The following STOX2 variants were observed in gnomAD, a reference collection of about 807,000 sequenced individuals.
STOX2 encodes the protein storkhead box 2, also known as storkhead-box protein 2.
STOX2 carries 28 observed loss-of-function variants against 60.9 expected under a neutral mutation model. That is an observed-to-expected ratio of 0.46 (90% CI 0.34 to 0.63). STOX2 has a LOEUF of 0.63. Among genes scored for constraint, STOX2 ranks in the 30% least tolerant of loss-of-function variants. STOX2 has a pLI of 0.01. For missense variants in STOX2, 1,024 were observed against 1,187.7 expected (o/e 0.86, Z 2.03); for synonymous variants, 472 against 463.9 (o/e 1.02, Z -0.22).
chr4:183,996,320 A>G (rs1733345242), intron 1 of STOX2, among the ~76,000 whole-genome samples: 1 of 152,236 alleles, frequency 6.6e-6, no homozygotes, highest in Non-Finnish European at 1.5e-5. Flanking sequence ...CAAAGTGCCA[A>G]TGTGCTTTAA....
intron 1 of STOX2, among the ~76,000 whole-genome samples, chr4:183,942,405 A>G (rs1338789608): frequency 6.7e-6 from 1 of 149,482 alleles, no homozygotes; most frequent in Non-Finnish European, 1.5e-5. Flanking sequence ...ATGAACACTC[A>G]TGACTCACCA....
At chr4:183,896,315 A>G (rs1741338675) in intron 1 of STOX2, among the ~76,000 whole-genome samples, 1 of 152,202 alleles carries the variant, frequency 6.6e-6, no homozygotes. Flanking sequence ...GGCGCAGGCC[A>G]TTCTCCGTGG....
chr4:183,841,465 G>C (rs150116061), intron 1 of STOX2, among the ~76,000 whole-genome samples: 2 of 151,870 alleles, frequency 1.3e-5, no homozygotes, highest in Non-Finnish European at 2.9e-5. Context: ...CTCCCTCCTC[G>C]GCCTCCCAAA....
chr4:183,938,136 G>A (rs941363829), intron 1 of STOX2, among the ~76,000 whole-genome samples: 2 of 152,128 alleles, frequency 1.3e-5, no homozygotes, highest in Admixed American at 6.5e-5. Flanking sequence ...GCGACAGAAT[G>A]AGACCCTGTC....
At chr4:183,963,614 C>T (rs576242846) in intron 1 of STOX2, among the ~76,000 whole-genome samples, 5 of 150,762 alleles carry the variant, frequency 3.3e-5, no homozygotes, top group South Asian at 2.1e-4. Context: ...TTAGTAGAGA[C>T]GGGGTTTCAC....
At chr4:183,815,677 T>C (rs1739137755) in intron 1 of STOX2, among the ~76,000 whole-genome samples, 1 of 152,190 alleles carries the variant, frequency 6.6e-6, no homozygotes, top group African/African-American at 2.4e-5. Context: ...AAGTGAGATA[T>C]TAATTACAGG....
At chr4:183,930,501 C>CCT (rs1742389405) in intron 1 of STOX2, among the ~76,000 whole-genome samples, 1 of 146,156 alleles carries the variant, frequency 6.8e-6, no homozygotes, top group Admixed American at 6.8e-5. Context: ...CACCATGCCC[C>CCT]TTTTTTTTTT....
chr4:183,881,277 C>T (rs1041012648), intron 1 of STOX2, among the ~76,000 whole-genome samples: 6 of 152,076 alleles, frequency 3.9e-5, no homozygotes, highest in African/African-American at 9.6e-5. Context: ...CTGAGGTGGG[C>T]GGATCCCGAG....
intron 1 of STOX2, among the ~76,000 whole-genome samples, chr4:183,921,968 G>A (rs1374636479): frequency 6.6e-6 from 1 of 152,100 alleles, no homozygotes; most frequent in Non-Finnish European, 1.5e-5. Flanking sequence ...CGATAAACTC[G>A]TAAAATGAAA....
intron 2 of STOX2, among the ~76,000 whole-genome samples, chr4:184,002,762 G>T (rs1733649171): frequency 6.6e-6 from 1 of 152,212 alleles, no homozygotes; most frequent in South Asian, 2.1e-4. Flanking sequence ...CATGGGAAGA[G>T]AACGGGAGGA....
In STOX2 at chr4:184,010,574, C is replaced by T; in HGVS notation, c.1736C>T (p.Pro579Leu). Reference sequence around the variant, plus strand: ...AGCCTTTTGGAGCCAGGAAAACCACCCGAGAGTTTGCCATCCTATGGCGAA... The same window carrying T: ...AGCCTTTTGGAGCCAGGAAAACCACTCGAGAGTTTGCCATCCTATGGCGAA... ...ACSLLEPGKP[P>L]ESLPSYGELN... is the part of the protein sequence containing the mutation. The change falls in exon 3 of 4, where the codon CCC becomes CTC. Residue 579 changes from proline to leucine, a missense_variant. Pro to Leu is a moderately conservative substitution (Grantham distance 98). Coordinates refer to ENST00000308497, the MANE Select transcript of STOX2 (RefSeq NM_020225.3). The surrounding 1 kb of genome is among the most constrained non-coding windows in gnomAD (Gnocchi z 4.5). 1.2e-6 allele frequency: 2 copies of T among 1,613,944 alleles called. No homozygotes were observed. The highest frequency in any genetic ancestry group is 1.7e-5 in the Admixed American group (1 of 60,016).
chr4:183,885,100 A>T (rs1165183459), intron 1 of STOX2, among the ~76,000 whole-genome samples: 2 of 152,158 alleles, frequency 1.3e-5, no homozygotes, highest in Non-Finnish European at 2.9e-5. Flanking sequence ...GTCTTCTGGT[A>T]ATTGGGGCCA....
intron 1 of STOX2, among the ~76,000 whole-genome samples, chr4:183,992,263 T>G (rs1733145254): frequency 6.6e-6 from 1 of 152,212 alleles, no homozygotes; most frequent in Admixed American, 6.5e-5. Context: ...TCCTGTCCTA[T>G]TACAATTGTA....
intron 1 of STOX2, among the ~76,000 whole-genome samples, chr4:183,936,530 G>A (rs943039795): frequency 6.6e-6 from 1 of 151,622 alleles, no homozygotes; most frequent in African/African-American, 2.4e-5. Context: ...CTCAAAATTG[G>A]AATATATTGA....
chr4:183,969,708 C>A (rs559397069), intron 1 of STOX2, among the ~76,000 whole-genome samples: 17 of 152,012 alleles, frequency 1.1e-4, no homozygotes, highest in Non-Finnish European at 1.8e-4. Flanking sequence ...CAACCTTCAA[C>A]TCCTGGGCTC....
intron 1 of STOX2, among the ~76,000 whole-genome samples, chr4:183,845,327 G>C (rs965674457): frequency 2.4e-4 from 36 of 152,134 alleles, no homozygotes; most frequent in Non-Finnish European, 5.0e-4. Flanking sequence ...CTTCAGAAAA[G>C]CTTAAGCCAG....
upstream of STOX2, among the ~76,000 whole-genome samples, chr4:183,903,183 A>G (rs947399314): frequency 6.6e-6 from 1 of 152,184 alleles, no homozygotes; most frequent in Non-Finnish European, 1.5e-5. Flanking sequence ...AACCTTTACC[A>G]TGGCCTGCAA....
rs34233454 is a variant in STOX2 at position 183,883,860 on chromosome 4, AT to A, written c.364+85814del. On this transcript the variant is annotated intron_variant, in intron 1 of 2. Transcript: ENST00000513034. Reference sequence around the variant, plus strand: ...CACCAAAACTAGTAAATTTTATTTTATTTTTTTTTGAGATCGAGTCTTGCTC... The same window carrying A: ...CACCAAAACTAGTAAATTTTATTTTATTTTTTTTGAGATCGAGTCTTGCTC... Among the ~76,000 whole-genome samples, 323 of 105,260 alleles carry A rather than the reference AT, an allele frequency of 3.1e-3. 4 individuals carry two copies. The East Asian group carries it at 0.067, about 22-fold the overall frequency. The allele number at this position is 105,260 out of a possible 152,430, so 69.1% of individuals were successfully genotyped here.
intron 1 of STOX2, among the ~76,000 whole-genome samples, chr4:183,835,917 G>A (rs907600332): frequency 1.3e-5 from 2 of 152,176 alleles, no homozygotes; most frequent in Non-Finnish European, 2.9e-5. Flanking sequence ...GTAACTCCAT[G>A]TTTAACCTTC....
Sources: gnomAD v4.1 joint callset for allele counts (sites outside exome capture counted in the v4.1 genomes callset) on GRCh38, gnomAD v4.1.1 for gene constraint, Gnocchi (gnomAD v3.1) non-coding constraint, MANE v1.5 for transcripts, NCBI Gene and HGNC (gene_info 2026-07-23, HGNC 2026-07-21) for gene names.